The following SUGCT variants were observed in gnomAD, a reference collection of about 807,000 sequenced individuals.
SUGCT encodes the protein succinyl-CoA:glutarate-CoA transferase, also known as succinyl-CoA:glutarate CoA-transferase.
A neutral mutation model predicts 55.0 loss-of-function variants in SUGCT; 41 were observed. That is an observed-to-expected ratio of 0.74 (90% CI 0.58 to 0.97). The LOEUF (loss-of-function observed/expected upper bound fraction) is 0.97. SUGCT is among the 50% of genes least tolerant of loss of function. The probability of loss-of-function intolerance (pLI) is 0.00; values close to 1 mark genes in which losing one functional copy is unlikely to be tolerated. For missense variants in SUGCT, 568 were observed against 547.8 expected (o/e 1.04, Z -0.37); for synonymous variants, 187 against 200.4 (o/e 0.93, Z 0.56).
chr7:40,370,691 A>G (rs1483163012), intron 9 of SUGCT, among the ~76,000 whole-genome samples: 1 of 151,692 alleles, frequency 6.6e-6, no homozygotes. Flanking sequence ...TAAATGTGGT[A>G]TCTCTTGGTT....
chr7:40,978,260 C>T, the SUGCT span, among the ~76,000 whole-genome samples: 1 of 152,140 alleles, frequency 6.6e-6, no homozygotes. Context: ...TTGTCTTTGC[C>T]TCTGGCCAAA....
chr7:40,202,355 T>C (rs529272751), intron 6 of SUGCT, among the ~76,000 whole-genome samples: 2 of 152,310 alleles, frequency 1.3e-5, no homozygotes, highest in Admixed American at 6.5e-5. Context: ...GACGTCTCCT[T>C]TTCCCCAACT....
At chr7:40,761,015 C>T (rs1416275002) in intron 13 of SUGCT, among the ~76,000 whole-genome samples, 1 of 152,242 alleles carries the variant, frequency 6.6e-6, no homozygotes, top group Non-Finnish European at 1.5e-5. Context: ...ATTAATTTTT[C>T]AACCATTAAA....
intron 7 of SUGCT, among the ~76,000 whole-genome samples, chr7:40,266,185 C>CTTTTTTTT (rs10685507): frequency 5.1e-5 from 6 of 116,812 alleles, no homozygotes; most frequent in South Asian, 5.5e-4. Flanking sequence ...CTTTCCTTTC[C>CTTTTTTTT]TTTTTTTTTT....
the SUGCT span, among the ~76,000 whole-genome samples, chr7:40,929,768 GT>G: frequency 6.6e-6 from 1 of 152,144 alleles, no homozygotes; most frequent in African/African-American, 2.4e-5. Context: ...TGATGAGGTT[GT>G]TTGTTTTTTC....
chr7:40,592,074 A>T (rs1000665352), intron 12 of SUGCT, among the ~76,000 whole-genome samples: 1 of 152,156 alleles, frequency 6.6e-6, no homozygotes, highest in Non-Finnish European at 1.5e-5. Flanking sequence ...AAAAGACAGA[A>T]TTTTTTTACT....
intron 13 of SUGCT, among the ~76,000 whole-genome samples, chr7:40,806,948 A>C (rs2128754025): frequency 6.6e-6 from 1 of 152,252 alleles, no homozygotes; most frequent in East Asian, 1.9e-4. Context: ...TTTATATATA[A>C]GTTTCCAGAC....
the SUGCT span, among the ~76,000 whole-genome samples, chr7:40,919,902 G>A: frequency 2.0e-5 from 3 of 152,170 alleles, no homozygotes; most frequent in Non-Finnish European, 4.4e-5. Flanking sequence ...TCCTTTAACA[G>A]CCCTTCTGCA....
At chr7:40,620,122 A>G (rs6975269) in intron 12 of SUGCT, among the ~76,000 whole-genome samples, 3,048 of 152,290 alleles carry the variant, frequency 0.02, 101 homozygotes, top group African/African-American at 0.07. Context: ...TCTATATTCA[A>G]GCCACGGTGT....
the SUGCT span, among the ~76,000 whole-genome samples, chr7:41,022,788 C>G: frequency 1.3e-5 from 2 of 151,244 alleles, no homozygotes; most frequent in African/African-American, 2.4e-5. Context: ...ATATACTTTC[C>G]CAATAGGTGA....
In SUGCT at chr7:40,337,946, G is replaced by A. The variant is rs1216289347; in HGVS notation, c.816+21091G>A. Among the ~76,000 whole-genome samples the A allele has an allele frequency of 1.3e-5, 2 of 151,890 alleles. 1 individual carries two copies. The highest frequency in any genetic ancestry group is 4.8e-5 in the African/African-American group (2 of 41,346). On this transcript the variant is annotated intron_variant, in intron 9 of 13. Coordinates refer to ENST00000335693, the MANE Select transcript of SUGCT (RefSeq NM_001193313.2). The stretch of plus-strand genomic sequence containing the variant: ...GGAGCTCTTGTAGGACAGGCCTGGT[G>A]GTGACAAAATCTCTCAGCATTTGCT...
At chr7:40,410,520 A>G (rs1478891177) in intron 9 of SUGCT, among the ~76,000 whole-genome samples, 2 of 152,100 alleles carry the variant, frequency 1.3e-5, no homozygotes, top group Non-Finnish European at 2.9e-5. Flanking sequence ...ACCATTTTAT[A>G]TTATTTTATT....
At chr7:40,719,045 A>G (rs975987656) in intron 12 of SUGCT, among the ~76,000 whole-genome samples, 7 of 152,224 alleles carry the variant, frequency 4.6e-5, no homozygotes, top group African/African-American at 9.6e-5. Flanking sequence ...AAACTTTTTC[A>G]TATCTCTTCA....
chr7:40,294,570 G>A (rs1393603851), intron 8 of SUGCT, among the ~76,000 whole-genome samples: 1 of 152,164 alleles, frequency 6.6e-6, no homozygotes, highest in African/African-American at 2.4e-5. Context: ...TTGAGACGGA[G>A]TTTCACTCTG....
At chr7:40,955,444 TG>T in the SUGCT span, among the ~76,000 whole-genome samples, 39 of 152,324 alleles carry the variant, frequency 2.6e-4, no homozygotes, top group African/African-American at 8.9e-4. Context: ...TTTCTGTTGT[TG>T]GTGTATAGGA....
At chr7:40,578,509 C>T (rs1796898628) in intron 12 of SUGCT, among the ~76,000 whole-genome samples, 1 of 151,904 alleles carries the variant, frequency 6.6e-6, no homozygotes, top group Non-Finnish European at 1.5e-5. Context: ...AAGCCTCACC[C>T]CTCATTGGAA....
intron 9 of SUGCT, among the ~76,000 whole-genome samples, chr7:40,382,935 G>T (rs577878926): frequency 1.3e-5 from 2 of 152,262 alleles, no homozygotes; most frequent in East Asian, 3.9e-4. Flanking sequence ...ATTTAACACA[G>T]ATTACATTCA....
chr7:40,147,813 AC>A (rs1299960811), intron 1 of SUGCT, among the ~76,000 whole-genome samples: 1 of 152,090 alleles, frequency 6.6e-6, no homozygotes, highest in Non-Finnish European at 1.5e-5. Flanking sequence ...ATCACAGGAG[AC>A]CCCCCAAATT....
At chr7:40,574,008 A>G (rs1265198006) in intron 12 of SUGCT, among the ~76,000 whole-genome samples, 9 of 152,136 alleles carry the variant, frequency 5.9e-5, no homozygotes, top group Non-Finnish European at 2.9e-5. Context: ...GTTATTCTGA[A>G]GTCATATGTT....
Sources: allele counts gnomAD v4.1 joint callset (sites outside exome capture counted in the v4.1 genomes callset), GRCh38; gene constraint gnomAD v4.1.1; transcripts MANE v1.5; gene names NCBI Gene and HGNC (gene_info 2026-07-23, HGNC 2026-07-21).